The following CACNA2D3 variants were observed in gnomAD, a reference collection of about 807,000 sequenced individuals.
The protein encoded by CACNA2D3 is calcium voltage-gated channel auxiliary subunit alpha2delta 3.
A neutral mutation model predicts 160.6 loss-of-function variants in CACNA2D3; 60 were observed. The observed-to-expected ratio is 0.37, with a 90% CI of 0.30 to 0.46. The LOEUF is 0.46. Among genes scored for constraint, CACNA2D3 ranks in the 20% least tolerant of loss-of-function variants. The probability of loss-of-function intolerance (pLI) is 1.00; values close to 1 mark genes in which losing one functional copy is unlikely to be tolerated. For missense variants in CACNA2D3, 1,205 were observed against 1,365.0 expected, an observed-to-expected ratio of 0.88 and a Z score of 1.85; for synonymous variants, 558 against 492.9, an observed-to-expected ratio of 1.13 and a Z score of -1.75.
chr3:54,410,685 C>CTAAG (rs141296978), intron 4 of CACNA2D3, among the ~76,000 whole-genome samples: 15,542 of 152,184 alleles, frequency 0.1, 1,048 homozygotes, highest in Admixed American at 0.21. Flanking sequence ...ACATGGCAAC[C>CTAAG]TAAGAGCTTT....
chr3:54,976,043 G>GTATAGA (rs1702383503), intron 29 of CACNA2D3, among the ~76,000 whole-genome samples: 1 of 132,728 alleles, frequency 7.5e-6, no homozygotes, highest in Admixed American at 7.4e-5. Flanking sequence ...ATAAATATAG[G>GTATAGA]TATAGATATA....
intron 13 of CACNA2D3, among the ~76,000 whole-genome samples, chr3:54,812,884 G>C (rs1012780144): frequency 2.0e-5 from 3 of 152,278 alleles, no homozygotes; most frequent in South Asian, 2.1e-4. Flanking sequence ...ATCTAATCCA[G>C]AGATTCACTA....
At chr3:54,148,996 A>AG (rs1700092134) in intron 2 of CACNA2D3, among the ~76,000 whole-genome samples, 40 of 148,456 alleles carry the variant, frequency 2.7e-4, no homozygotes, top group Admixed American at 1.4e-3. Context: ...AAAAAAAAAA[A>AG]TAGACAACTC....
At position 54,514,060 on chromosome 3, in the gene CACNA2D3, T is replaced by A. The variant is rs542205720; in HGVS notation, c.544+10406T>A. Among the ~76,000 whole-genome samples the A allele has an allele frequency of 5.3e-5, 8 of 152,218 alleles. No homozygotes were observed. The South Asian group carries it at 1.7e-3, about 32-fold the overall frequency. On this transcript the variant is annotated intron_variant, in intron 5 of 37. Coordinates refer to ENST00000474759, the MANE Select transcript of CACNA2D3 (RefSeq NM_018398.3). ...ATTGTGCTATTTTCATCTCAGCATA[T>A]GAAAATCCATCATAAATGAAAACTA...
Position 54,619,785 on chromosome 3 carries a change from C to T in CACNA2D3, c.964-8002C>T, listed in dbSNP as rs536408767. Among the ~76,000 whole-genome samples the T allele has an allele frequency of 6.3e-5, 3 of 47,378 alleles. No individual in the cohort carries two copies. The Admixed American group carries it at 8.4e-4, about 13-fold the overall frequency. The allele number at this position is 47,378 out of a possible 152,430, so 31.1% of individuals were successfully genotyped here. On this transcript the variant is annotated intron_variant, in intron 9 of 37. Coordinates refer to ENST00000474759, the MANE Select transcript of CACNA2D3 (RefSeq NM_018398.3). ...TGGTAGCCATGTCACAAGATATGTGCCTTACCTACAAGATAATATTGGCTC... is the reference window on the plus strand; with the variant it reads ...TGGTAGCCATGTCACAAGATATGTGTCTTACCTACAAGATAATATTGGCTC...
Position 54,838,675 on chromosome 3 carries a change from C to T in CACNA2D3, c.1551+27C>T, listed in dbSNP as rs769289171. ...TAATGAATGACCTAATCCCTGAAAT[C>T]AAAGCAACAGAGATGCCCAGAGCCT... On this transcript the variant is annotated intron_variant, in intron 16 of 37. Transcript: ENST00000474759. 5.0e-5 allele frequency: 75 copies of T among 1,510,920 alleles called. 1 individual carries two copies. The South Asian group carries it at 8.2e-4, about 17-fold the overall frequency. 93.6% of individuals were successfully genotyped at this position (1,510,920 alleles called of 1,614,324 possible). A position where few individuals can be genotyped will look rare whatever the true frequency, so the allele number is the denominator to read the frequency against.
chr3:54,712,720 T>G (rs528488000), intron 11 of CACNA2D3, among the ~76,000 whole-genome samples: 1 of 152,320 alleles, frequency 6.6e-6, no homozygotes, highest in South Asian at 2.1e-4. Flanking sequence ...TCTTGCCTTT[T>G]CCATTTTCCA....
chr3:54,404,696 G>A (rs9880873), intron 4 of CACNA2D3, among the ~76,000 whole-genome samples: 3 of 151,770 alleles, frequency 2.0e-5, no homozygotes, highest in Admixed American at 6.6e-5. Flanking sequence ...AAATTATCAC[G>A]AATTACAGAT....
chr3:54,763,252 G>C (rs138098076), intron 12 of CACNA2D3, among the ~76,000 whole-genome samples: 2 of 152,148 alleles, frequency 1.3e-5, no homozygotes, highest in East Asian at 3.9e-4. Flanking sequence ...TACAAACCTG[G>C]ACTCATCATC....
rs572801780 is a variant in CACNA2D3 at position 54,591,716 on chromosome 3, T to C, written c.963+9839T>C. Among the ~76,000 whole-genome samples the C allele has an allele frequency of 1.1e-3, 163 of 152,258 alleles. 1 individual carries two copies. The highest frequency in any genetic ancestry group is 3.5e-3 in the African/African-American group (147 of 41,552). ...TGAGTCCAGGGTTGGCAGTTCTCAC[T>C]GTCTCATTCTGTCTAAACACCCTGA... On this transcript the variant is annotated intron_variant, in intron 9 of 37. Coordinates refer to ENST00000474759, the MANE Select transcript of CACNA2D3 (RefSeq NM_018398.3).
chr3:54,586,372 G>A (rs1702761935), intron 9 of CACNA2D3, among the ~76,000 whole-genome samples: 1 of 137,052 alleles, frequency 7.3e-6, no homozygotes, highest in Admixed American at 7.1e-5. Context: ...AAGTAAGAGT[G>A]ATTCTATTAA....
chr3:54,238,373 G>A (rs186576331), intron 2 of CACNA2D3, among the ~76,000 whole-genome samples: 41 of 152,292 alleles, frequency 2.7e-4, no homozygotes, highest in African/African-American at 9.6e-4. Context: ...CAGAGGTAGA[G>A]CAAATCACCT....
intron 5 of CACNA2D3, among the ~76,000 whole-genome samples, chr3:54,554,150 AGGTCATCTATATGACCTCTGGGAG>A (rs1448645810): frequency 1.4e-5 from 2 of 147,794 alleles, no homozygotes; most frequent in East Asian, 4.0e-4. Context: ...CTCAGCATTC[AGGTCATCTATATGACCTCTGGGAG>A]GGTCATCTTT....
chr3:54,778,205 C>A (rs1005644657), intron 13 of CACNA2D3, among the ~76,000 whole-genome samples: 1 of 152,148 alleles, frequency 6.6e-6, no homozygotes, highest in African/African-American at 2.4e-5. Flanking sequence ...ACCACTCACT[C>A]ACTGTGAGGA....
chr3:54,387,256 A>T (rs1362084202), intron 4 of CACNA2D3, among the ~76,000 whole-genome samples: 1 of 152,262 alleles, frequency 6.6e-6, no homozygotes, highest in African/African-American at 2.4e-5. Context: ...CTTGCAGTAG[A>T]TCTTGTACCT....
intron 2 of CACNA2D3, among the ~76,000 whole-genome samples, chr3:54,206,473 C>T (rs1701278511): frequency 1.3e-5 from 2 of 152,254 alleles, no homozygotes; most frequent in South Asian, 2.1e-4. Context: ...TTACTACTGG[C>T]TTTTCCAAAT....
At chr3:54,506,512 G>A (rs7639299) in intron 5 of CACNA2D3, among the ~76,000 whole-genome samples, 132,224 of 152,122 alleles carry the variant, frequency 0.87, 59,209 homozygotes, top group Non-Finnish European at 0.98. Flanking sequence ...CTCCGTGGGC[G>A]GGCCTGGCAA....
intron 27 of CACNA2D3, among the ~76,000 whole-genome samples, chr3:54,930,159 C>T (rs1183544167): frequency 2.0e-5 from 3 of 152,142 alleles, no homozygotes; most frequent in Non-Finnish European, 2.9e-5. Context: ...AGGCATAGAT[C>T]GGCCCACAGG....
intron 3 of CACNA2D3, among the ~76,000 whole-genome samples, chr3:54,340,152 T>G (rs1704482893): frequency 6.6e-6 from 1 of 152,224 alleles, no homozygotes; most frequent in Non-Finnish European, 1.5e-5. Context: ...AAATATTGCT[T>G]CTACCAATGC....
Sources: gnomAD v4.1 joint callset for allele counts (sites outside exome capture counted in the v4.1 genomes callset) on GRCh38, gnomAD v4.1.1 for gene constraint, MANE v1.5 for transcripts, NCBI Gene and HGNC (gene_info 2026-07-23, HGNC 2026-07-21) for gene names.